Variants in GRM3 observed in about 807,000 individuals in gnomAD.
GRM3 encodes glutamate metabotropic receptor 3, also known as metabotropic glutamate receptor 3.
In GRM3, 26 loss-of-function variants were observed where a neutral mutation model predicts 70.5. The ratio of observed to expected loss-of-function variants is 0.37; its 90% CI spans 0.27 to 0.51. The LOEUF (loss-of-function observed/expected upper bound fraction) is 0.51, where lower values mean the gene tolerates loss of function less well. Ranked by LOEUF, GRM3 falls within the 20% of genes least tolerant of loss-of-function variation. The pLI, the probability that GRM3 is intolerant of heterozygous loss-of-function variation, is 0.93. For synonymous variants in GRM3, 443 were observed against 434.9 expected, an observed-to-expected ratio of 1.02 and a Z score of -0.23; for missense variants, 859 against 1,123.8, an observed-to-expected ratio of 0.76 and a Z score of 3.37.
intron 1 of GRM3, among the ~76,000 whole-genome samples, chr7:86,704,542 A>T (rs368093786): frequency 1.3e-5 from 2 of 151,922 alleles, no homozygotes; most frequent in East Asian, 3.9e-4. Context: ...ACCACAGACA[A>T]CATCAAACAT....
intron 1 of GRM3, among the ~76,000 whole-genome samples, chr7:86,649,710 G>A (rs1793561446): frequency 6.6e-6 from 1 of 152,010 alleles, no homozygotes; most frequent in Non-Finnish European, 1.5e-5. Context: ...ACCTATATAT[G>A]TAGCATGGGA....
chr7:86,710,219 TC>T (rs1037307469), intron 1 of GRM3: 8 of 152,032 alleles, frequency 5.3e-5, no homozygotes, highest in African/African-American at 1.9e-4. Flanking sequence ...AGTAATATAG[TC>T]CACTTATTTC....
chr7:86,737,431 T>C (rs899305475), intron 1 of GRM3, among the ~76,000 whole-genome samples: 1 of 152,208 alleles, frequency 6.6e-6, no homozygotes, highest in Non-Finnish European at 1.5e-5. Flanking sequence ...TTTCTGGAAC[T>C]GACTGAATCT....
At chr7:86,720,436 A>G (rs1168385222) in intron 1 of GRM3, among the ~76,000 whole-genome samples, 2 of 152,070 alleles carry the variant, frequency 1.3e-5, no homozygotes, top group African/African-American at 4.8e-5. Context: ...GAAAGTTGGA[A>G]TAGTGATAAG....
chr7:86,665,179 G>A (rs1793995054), intron 1 of GRM3, among the ~76,000 whole-genome samples: 2 of 151,882 alleles, frequency 1.3e-5, no homozygotes, highest in African/African-American at 4.8e-5. Context: ...GAATATATTT[G>A]AGAAAGAAAA....
intron 1 of GRM3, among the ~76,000 whole-genome samples, chr7:86,668,863 C>T (rs756772129): frequency 2.6e-5 from 4 of 152,070 alleles, no homozygotes; most frequent in Non-Finnish European, 4.4e-5. Flanking sequence ...CTTCTGGGAA[C>T]CTTGCTTTAT....
chr7:86,731,545 G>A (rs1019053094), intron 1 of GRM3, among the ~76,000 whole-genome samples: 9 of 152,150 alleles, frequency 5.9e-5, no homozygotes, highest in African/African-American at 1.7e-4. Context: ...GGATTATTTG[G>A]TGTTATACAG....
intron 1 of GRM3, among the ~76,000 whole-genome samples, chr7:86,742,442 G>A (rs536563315): frequency 1.3e-5 from 2 of 152,202 alleles, no homozygotes; most frequent in African/African-American, 4.8e-5. Context: ...TATTTAAGAT[G>A]TACAACCACT....
intron 1 of GRM3, among the ~76,000 whole-genome samples, chr7:86,698,113 C>A (rs547911770): frequency 3.9e-5 from 6 of 152,024 alleles, no homozygotes; most frequent in Non-Finnish European, 7.4e-5. Flanking sequence ...CAATAATATC[C>A]TTTTACCCGT....
Position 86,786,483 on chromosome 7 carries a change from G to A in GRM3, c.691G>A (p.Glu231Lys), listed in dbSNP as rs769106872. ...DYGETGIEAFEQEARLRNICI... is the reference protein window; with the variant it reads ...DYGETGIEAFKQEARLRNICI... ...CGGGGAGACAGGGATCGAGGCCTTC[G>A]AGCAGGAAGCCCGCCTGCGCAACAT... The change falls in exon 3 of 6, where the codon GAG becomes AAG. Residue 231 changes from glutamate to lysine, a missense_variant. Physicochemically the swap from Glu to Lys is moderately conservative, Grantham distance 56. Coordinates refer to ENST00000361669, the MANE Select transcript of GRM3 (RefSeq NM_000840.3). The surrounding 1 kb of genome is among the most constrained non-coding windows in gnomAD (Gnocchi z 6.0). The A allele has an allele frequency of 6.2e-7, 1 of 1,614,224 alleles. No homozygotes were observed. The highest frequency in any genetic ancestry group is 8.5e-7 in the Non-Finnish European group (1 of 1,180,040).
intron 1 of GRM3, among the ~76,000 whole-genome samples, chr7:86,763,234 T>C (rs375769935): frequency 2.0e-5 from 3 of 151,996 alleles, no homozygotes; most frequent in East Asian, 3.9e-4. Flanking sequence ...CAACACACAA[T>C]CATGTGTGAA....
chr7:86,704,708 C>T lies in GRM3; in HGVS notation c.-141+59836C>T, dbSNP rs114918055. ...CTTGAAAACTGGTAATTAATTCTTA[C>T]ACCTTGAAAGACTGAAAAACCTAGG... is the stretch of plus-strand genomic sequence containing the variant. On this transcript the variant is annotated intron_variant, in intron 1 of 5. Transcript: ENST00000361669. Among the ~76,000 whole-genome samples the T allele has an allele frequency of 5.6e-3, 847 of 151,992 alleles. 8 individuals carry two copies. The highest frequency in any genetic ancestry group is 0.019 in the African/African-American group (800 of 41,514).
intron 5 of GRM3, among the ~76,000 whole-genome samples, chr7:86,860,608 C>T (rs1406977177): frequency 6.6e-6 from 1 of 152,144 alleles, no homozygotes; most frequent in African/African-American, 2.4e-5. Flanking sequence ...TATTATCTTC[C>T]TCTCAAAGAG....
chr7:86,794,419 T>C (rs1264724277), intron 3 of GRM3, among the ~76,000 whole-genome samples: 1 of 152,184 alleles, frequency 6.6e-6, no homozygotes, highest in Non-Finnish European at 1.5e-5. Context: ...TGTTATCCAA[T>C]GGACCATGAG....
At chr7:86,853,605 T>C (rs755568080) in intron 5 of GRM3, among the ~76,000 whole-genome samples, 1 of 152,194 alleles carries the variant, frequency 6.6e-6, no homozygotes, top group Non-Finnish European at 1.5e-5. Flanking sequence ...TTTATTTCAT[T>C]GGGCGATTGT....
At position 86,765,117 on chromosome 7, in the gene GRM3, T is replaced by C. The variant is rs146300246; in HGVS notation, c.-29T>C. The C allele has an allele frequency of 6.5e-7, 1 of 1,532,592 alleles. No individual in the cohort carries two copies. Among genetic ancestry groups the C allele is most frequent in the African/African-American group, 1.4e-5 (1 of 72,144 alleles). The allele number at this position is 1,532,592 out of a possible 1,614,324, so 94.9% of individuals were successfully genotyped here. On this transcript the variant is annotated 5_prime_UTR_variant, in exon 2 of 6. Coordinates refer to ENST00000361669, the MANE Select transcript of GRM3 (RefSeq NM_000840.3). Reference sequence around the variant, plus strand: ...CATGACACATTGGCTCCACCATTGATATCTCCCAGAGGTACAGAAACAGGA... The same window carrying C: ...CATGACACATTGGCTCCACCATTGACATCTCCCAGAGGTACAGAAACAGGA...
intron 1 of GRM3, among the ~76,000 whole-genome samples, chr7:86,757,417 GC>G (rs1321518115): frequency 6.6e-6 from 1 of 152,126 alleles, no homozygotes; most frequent in Non-Finnish European, 1.5e-5. Flanking sequence ...CTATGACATG[GC>G]CCTAATTCCA....
intron 1 of GRM3, among the ~76,000 whole-genome samples, chr7:86,701,165 GAT>G (rs1794939058): frequency 6.6e-6 from 1 of 151,518 alleles, no homozygotes; most frequent in African/African-American, 2.4e-5. Context: ...ACCTGAAAAA[GAT>G]AAACGATGTC....
chr7:86,821,798 C>A (rs958259353), intron 3 of GRM3, among the ~76,000 whole-genome samples: 2 of 152,128 alleles, frequency 1.3e-5, no homozygotes, highest in African/African-American at 2.4e-5. Flanking sequence ...TTCTTTGTCA[C>A]CACGCTTCCT....
Sources: gnomAD v4.1 joint callset for allele counts (sites outside exome capture counted in the v4.1 genomes callset) on GRCh38, gnomAD v4.1.1 for gene constraint, Gnocchi (gnomAD v3.1) non-coding constraint, MANE v1.5 for transcripts, NCBI Gene and HGNC (gene_info 2026-07-23, HGNC 2026-07-21) for gene names.